Variants in XPO7 observed in about 807,000 individuals in gnomAD.
XPO7 encodes the protein exportin-7.
In XPO7, 21 loss-of-function variants were observed where a neutral mutation model predicts 144.3. That is an observed-to-expected ratio of 0.15 (90% CI 0.10 to 0.21). XPO7 has a LOEUF of 0.21. Ranked by LOEUF, XPO7 falls within the 10% of genes least tolerant of loss-of-function variation. The pLI is 1.00. For synonymous variants in XPO7, 580 were observed against 499.6 expected (o/e 1.16, Z -2.15); for missense variants, 808 against 1,325.8 (o/e 0.61, Z 6.06).
At chr8:21,935,869 G>T (rs548825256) in intron 1 of XPO7, among the ~76,000 whole-genome samples, 2 of 151,902 alleles carry the variant, frequency 1.3e-5, no homozygotes, top group Non-Finnish European at 2.9e-5. Flanking sequence ...TCTCTGTCTC[G>T]TCTGCAAATC....
In XPO7 at chr8:21,987,874, G is replaced by T. The variant is rs764027353; in HGVS notation, c.1787+17G>T. On this transcript the variant is annotated intron_variant, in intron 15 of 27. Transcript: ENST00000252512. ...AGGAAAAATGTAAGTGTTTCAGCTT[G>T]CCACCAGCAAGAGTCCTTTGCACTC... 4 of 1,612,838 alleles carry T rather than the reference G, an allele frequency of 2.5e-6. No individual in the cohort carries two copies. Among genetic ancestry groups the T allele is most frequent in the Non-Finnish European group, 3.4e-6 (4 of 1,179,356 alleles).
intron 1 of XPO7, among the ~76,000 whole-genome samples, chr8:21,953,091 A>G (rs894057003): frequency 7.5e-6 from 1 of 132,696 alleles, no homozygotes; most frequent in African/African-American, 2.8e-5. Context: ...TTGATGGGCC[A>G]GTATTGATAC....
chr8:21,990,972 TTTTA>T, intron 18 of XPO7, 53 bp downstream of exon 18: 1 of 1,543,056 alleles, frequency 6.5e-7, no homozygotes, highest in Non-Finnish European at 8.9e-7. Flanking sequence ...TCTTCTAAAT[TTTTA>T]TTTGAGGACT....
At chr8:21,958,883 C>T (rs1811627554) in intron 1 of XPO7, among the ~76,000 whole-genome samples, 1 of 151,254 alleles carries the variant, frequency 6.6e-6, no homozygotes, top group South Asian at 2.1e-4. Flanking sequence ...ATCACTTGAA[C>T]CCGGGAGGTA....
chr8:21,958,705 TC>T (rs1209579725), intron 1 of XPO7, among the ~76,000 whole-genome samples: 2 of 150 alleles, frequency 0.013, no homozygotes, highest in Non-Finnish European at 0.03. Context: ...ATGCCTATAA[TC>T]CCAAGTGCTT....
intron 4 of XPO7, among the ~76,000 whole-genome samples, chr8:21,971,093 A>G (rs1390522769): frequency 6.6e-6 from 1 of 152,242 alleles, no homozygotes. Context: ...TTAGATACAC[A>G]AACACTTACC....
At chr8:21,962,027 A>G (rs1428534845) in intron 1 of XPO7, among the ~76,000 whole-genome samples, 1 of 152,168 alleles carries the variant, frequency 6.6e-6, no homozygotes, top group Non-Finnish European at 1.5e-5. Context: ...ATGATTATTG[A>G]GGTTGCACAC....
At chr8:21,923,177 C>G (rs1186252649) in intron 1 of XPO7, among the ~76,000 whole-genome samples, 1 of 152,078 alleles carries the variant, frequency 6.6e-6, no homozygotes, top group African/African-American at 2.4e-5. Flanking sequence ...CGACTAATAC[C>G]AGAATGCTTA....
intron 1 of XPO7, among the ~76,000 whole-genome samples, chr8:21,951,337 T>C (rs1377794142): frequency 6.6e-6 from 1 of 152,062 alleles, no homozygotes; most frequent in Non-Finnish European, 1.5e-5. Context: ...TTCTATTATA[T>C]ACCCACATAT....
intron 8 of XPO7, 40 bp downstream of exon 8, chr8:21,977,883 T>C (rs775593046): frequency 2.6e-6 from 4 of 1,555,050 alleles, no homozygotes; most frequent in African/African-American, 1.4e-5. Context: ...AACCTATTCA[T>C]AGAAGATAGC....
rs1170364778 is a variant in XPO7, at chr8:21,989,821, CTTTTTTTTTTTTTTTTTTTTTTTTTT to C, written c.1869-502_1869-477del. On this transcript the variant is annotated intron_variant, in intron 16 of 27. Transcript: ENST00000252512. ...AATAGGAGTTTGGTATAGGTGTTTC[CTTTTTTTTTTTTTTTTTTTTTTTTTT>C]TTTTTTTTTTTTTTTTTTTTGAGAT... 1.9e-3 allele frequency among the ~76,000 whole-genome samples: 111 copies of C among 59,708 alleles called. 6 individuals are homozygous for C. Among genetic ancestry groups the C allele is most frequent in the South Asian group, 0.01 (18 of 1,768 alleles). 39.2% of individuals were successfully genotyped at this position (59,708 alleles called of 152,430 possible).
At chr8:21,983,427 A>G (rs1042725091) in intron 11 of XPO7, among the ~76,000 whole-genome samples, 4 of 152,230 alleles carry the variant, frequency 2.6e-5, no homozygotes, top group African/African-American at 4.8e-5. Context: ...CTGTTTGTCA[A>G]GAGAATTTAC....
intron 1 of XPO7, among the ~76,000 whole-genome samples, chr8:21,937,140 A>C (rs562790104): frequency 6.6e-6 from 1 of 152,342 alleles, no homozygotes; most frequent in East Asian, 1.9e-4. Context: ...AATTTTTGGC[A>C]TGGCTAGAAA....
At chr8:21,983,023 A>G (rs2054713) in intron 11 of XPO7, among the ~76,000 whole-genome samples, 57,223 of 152,098 alleles carry the variant, frequency 0.38, 11,139 homozygotes, top group East Asian at 0.44. Context: ...TTCTATTCAT[A>G]TTCCCCCTTT....
intron 21 of XPO7, 122 bp downstream of exon 21, chr8:21,995,721 G>A (rs905835592): frequency 1.1e-4 from 79 of 707,378 alleles, no homozygotes; most frequent in Non-Finnish European, 1.5e-4. Flanking sequence ...TTTAAAATTC[G>A]AAAAGTTTTT....
chr8:21,939,625 A>G (rs1053136272), intron 1 of XPO7, among the ~76,000 whole-genome samples: 1 of 152,250 alleles, frequency 6.6e-6, no homozygotes, highest in African/African-American at 2.4e-5. Context: ...GAATACTTGT[A>G]ATATGAGCTG....
At chr8:21,938,726 C>T (rs1265777457) in intron 1 of XPO7, among the ~76,000 whole-genome samples, 1 of 151,488 alleles carries the variant, frequency 6.6e-6, no homozygotes, top group Non-Finnish European at 1.5e-5. Context: ...CAGATGATTC[C>T]GAATACCCTT....
Position 21,966,838 on chromosome 8 carries a change from C to A in XPO7, c.19-19C>A, listed in dbSNP as rs1811901090. 1.2e-6 allele frequency: 2 copies of A among 1,604,842 alleles called. No individual in the cohort carries two copies. Among genetic ancestry groups the A allele is most frequent in the Non-Finnish European group, 8.5e-7 (1 of 1,174,620 alleles). On this transcript the variant is annotated intron_variant, in intron 1 of 27. Transcript: ENST00000252512. ...TGTAGTAGGCTGAACTGTTTTCTTT[C>A]CTGACTGATCTTTTCCAGAGCCTGG... is the stretch of plus-strand genomic sequence containing the variant.
chr8:21,966,239 G>T, intron 1 of XPO7: 1 of 773,272 alleles, frequency 1.3e-6, no homozygotes, highest in Middle Eastern at 2.3e-4. Flanking sequence ...TTTAAATTTG[G>T]AACCAAAGTA....
Sources: gnomAD v4.1 joint callset for allele counts (sites outside exome capture counted in the v4.1 genomes callset) on GRCh38, gnomAD v4.1.1 for gene constraint, MANE v1.5 for transcripts, NCBI Gene and HGNC (gene_info 2026-07-23, HGNC 2026-07-21) for gene names.